CP: variants seen among roughly 807,000 people sequenced by gnomAD.
CP encodes caeruloplasmin.
In CP, 64 loss-of-function variants were observed where a neutral mutation model predicts 122.4. The ratio of observed to expected loss-of-function variants is 0.52; its 90% confidence interval spans 0.43 to 0.64. CP has a LOEUF of 0.64. Ranked by LOEUF, CP falls within the 30% of genes least tolerant of loss-of-function variation. The pLI, the probability that CP is intolerant of heterozygous loss-of-function variation, is 0.00. For synonymous variants in CP, 440 were observed against 436.4 expected, an observed-to-expected ratio of 1.01 and a Z score of -0.10; for missense variants, 1,167 against 1,284.4, an observed-to-expected ratio of 0.91 and a Z score of 1.40.
downstream of CP, among the ~76,000 whole-genome samples, chr3:149,171,065 G>A (rs545229992): frequency 6.6e-6 from 1 of 152,204 alleles, no homozygotes; most frequent in Non-Finnish European, 1.5e-5. Context: ...GGATCATGAG[G>A]TCAAGAGATC....
Position 149,183,568 on chromosome 3 carries a change from T to G in CP, c.2323A>C (p.Ile775Leu), listed in dbSNP as rs1206546211. The change falls in exon 13 of 19, where the codon ATA (isoleucine) becomes CTA (leucine). Residue 775 changes from isoleucine (I) to leucine (L), a missense_variant. Physicochemically the swap from Ile to Leu is conservative, Grantham distance 5 (BLOSUM62 2). Coordinates refer to ENST00000264613, the MANE Select transcript of CP (RefSeq NM_000096.4). ...NAFLDKGEFY[I>L]GSKYKKVVYR... ...ACAACTTTCTTGTACTTTGAGCCTA[T>G]GTAAAACTCTCCCTTATCTAAAAAT... The G allele has an allele frequency of 1.2e-6, 2 of 1,606,396 alleles. No individual in the cohort carries two copies. Among genetic ancestry groups the G allele is most frequent in the Non-Finnish European group, 1.7e-6 (2 of 1,174,758 alleles).
rs1481132976 is a variant in CP, at chr3:149,206,201, A to C, written c.1175T>G (p.Ile392Ser). The C allele has an allele frequency of 1.2e-6, 2 of 1,613,822 alleles. No individual in the cohort carries two copies. Among genetic ancestry groups the C allele is most frequent in the Admixed American group, 3.3e-5 (2 of 59,998 alleles). ...IWNYAPSGID[I>S]FTKENLTAPG... ...TGCTGTTAAGTTTTCTTTAGTGAAG[A>C]TGTCTATACCAGAGGGAGCATAGTT... The change falls in exon 6 of 19, where the codon ATC becomes AGC. Residue 392 changes from isoleucine to serine, a missense_variant. Transcript: ENST00000264613.
At chr3:149,181,286 C>T (rs896147458) in intron 14 of CP, among the ~76,000 whole-genome samples, 3 of 152,180 alleles carry the variant, frequency 2.0e-5, no homozygotes, top group Non-Finnish European at 4.4e-5. Flanking sequence ...CCAGGCATTG[C>T]TCCTGTCTTC....
At chr3:149,198,754 G>C (rs1727087946) in intron 8 of CP, among the ~76,000 whole-genome samples, 176 bp from the exon 9 acceptor site, 1 of 152,232 alleles carries the variant, frequency 6.6e-6, no homozygotes, top group Non-Finnish European at 1.5e-5. Flanking sequence ...ATTGCATCCA[G>C]ATAGACTCTT....
chr3:149,213,191 A>C (rs1728225806), intron 1 of CP, among the ~76,000 whole-genome samples: 1 of 152,222 alleles, frequency 6.6e-6, no homozygotes, highest in South Asian at 2.1e-4. Flanking sequence ...TAAGATTAAT[A>C]AAGCTAAATT....
chr3:149,202,370 G>T, intron 6 of CP, 129 bp from the exon 7 acceptor site: 1 of 1,174,720 alleles, frequency 8.5e-7, no homozygotes, highest in Non-Finnish European at 1.2e-6. Flanking sequence ...ATGATTTATA[G>T]CAATCCGTAC....
Position 149,178,469 on chromosome 3 carries a change from G to A in CP, c.2824C>T (p.Pro942Ser). The change falls in exon 16 of 19, where the codon CCC becomes TCC. Residue 942 changes from proline to serine, a missense_variant. Transcript: ENST00000264613. ...DDNIKTYSDHPEKVNKDDEEF... is the reference protein window; with the variant it reads ...DDNIKTYSDHSEKVNKDDEEF... ...TCATCATCTTTGTTTACTTTCTCGG[G>A]GTGATCAGAGTATGTTTTGATGTTG... The A allele has an allele frequency of 1.2e-6, 2 of 1,613,030 alleles. No individual in the cohort carries two copies. Among genetic ancestry groups the A allele is most frequent in the Non-Finnish European group, 1.7e-6 (2 of 1,179,432 alleles).
chr3:149,208,933 A>G (rs1253999780), intron 4 of CP, among the ~76,000 whole-genome samples: 1 of 152,220 alleles, frequency 6.6e-6, no homozygotes, highest in East Asian at 1.9e-4. Flanking sequence ...AGTCTAGTGG[A>G]TAAATAAATA....
chr3:149,177,756 A>G (rs1013538638), intron 17 of CP, 84 bp downstream of exon 17: 17 of 1,461,948 alleles, frequency 1.2e-5, no homozygotes, highest in Non-Finnish European at 1.4e-5. Flanking sequence ...TTTTTTTCAT[A>G]AGTCTCTCTG....
At chr3:149,179,711 T>TACACACACACACACACACAC (rs71304221) in intron 14 of CP, 49 bp from the exon 15 acceptor site, 1 of 587,178 alleles carries the variant, frequency 1.7e-6, no homozygotes, top group South Asian at 1.7e-5. Context: ...GTTTATATTG[T>TACACACACACACACACACAC]ACACACACAC....
chr3:149,210,475 A>G, intron 2 of CP, 96 bp from the exon 3 acceptor site: 1 of 1,059,546 alleles, frequency 9.4e-7, no homozygotes, highest in Admixed American at 1.9e-5. Flanking sequence ...AACATTTATT[A>G]AACATCTACT....
intron 6 of CP, among the ~76,000 whole-genome samples, chr3:149,205,816 G>A (rs1727673863): frequency 1.3e-5 from 2 of 152,264 alleles, no homozygotes; most frequent in South Asian, 4.1e-4. Context: ...TTCTGGAAAT[G>A]GATAGTGGTG....
chr3:149,203,068 G>T (rs1312020124), intron 6 of CP, among the ~76,000 whole-genome samples: 2 of 150,140 alleles, frequency 1.3e-5, no homozygotes, highest in African/African-American at 4.9e-5. Context: ...CACAACGCCC[G>T]GCTAATTTTT....
chr3:149,184,912 C>A (rs1170673784), intron 12 of CP, among the ~76,000 whole-genome samples: 1 of 152,146 alleles, frequency 6.6e-6, no homozygotes, highest in Non-Finnish European at 1.5e-5. Context: ...AATATTTCTG[C>A]TCTGAATTTG....
Position 149,198,574 on chromosome 3 carries a change from C to T in CP, c.1506G>A (p.Val502=). 1 of 1,613,638 alleles carries T rather than the reference C, an allele frequency of 6.2e-7. No homozygotes were observed. The highest frequency in any genetic ancestry group is 8.5e-7 in the Non-Finnish European group (1 of 1,179,694). ...GTGCCACATGGGAGGCTGAAGGAGG[C>T]ACACCTGTGAGAAAGGTCACATTAG... ...SPNYNPQSRS[V]PPSASHVAPT... Residue 502 remains valine, a synonymous_variant, in exon 9 of 19, where the codon GTG becomes GTA. Transcript: ENST00000264613.
intron 9 of CP, among the ~76,000 whole-genome samples, chr3:149,197,214 C>A (rs530274987): frequency 2.6e-5 from 4 of 152,304 alleles, no homozygotes; most frequent in Non-Finnish European, 5.9e-5. Flanking sequence ...AGCCATGTTG[C>A]TCACACAAAG....
intron 5 of CP, among the ~76,000 whole-genome samples, chr3:149,164,141 C>G (rs1217497666): frequency 2.0e-5 from 3 of 152,142 alleles, no homozygotes; most frequent in Non-Finnish European, 4.4e-5. Context: ...GGTTGGAACA[C>G]CTGTGCTGAG....
In CP at chr3:149,173,489, T is replaced by A. The variant is rs1162902670; in HGVS notation, c.*225A>T. The A allele has an allele frequency of 1.0e-5, 4 of 387,034 alleles. No homozygotes were observed. In the East Asian group the frequency reaches 1.8e-4, roughly 17 times the overall value. 24.0% of individuals were successfully genotyped at this position (387,034 alleles called of 1,614,324 possible). ...ATTAGACTGTATGAATCAGTTTTAT[T>A]ACCTAGTGTACAAGTGTCAGTCATG... On this transcript the variant is annotated 3_prime_UTR_variant, in exon 19 of 19. Coordinates refer to ENST00000264613, the MANE Select transcript of CP (RefSeq NM_000096.4).
At chr3:149,183,030 A>G (rs1725887102) in intron 13 of CP, among the ~76,000 whole-genome samples, 1 of 152,152 alleles carries the variant, frequency 6.6e-6, no homozygotes, top group South Asian at 2.1e-4. Flanking sequence ...CCATCCCTGT[A>G]GTCCCAGCTA....
Sources: gnomAD v4.1 joint callset for allele counts (sites outside exome capture counted in the v4.1 genomes callset) on GRCh38, gnomAD v4.1.1 for gene constraint, MANE v1.5 for transcripts, NCBI Gene and HGNC (gene_info 2026-07-23, HGNC 2026-07-21) for gene names.